The following MALRD1 variants were observed in gnomAD, a reference collection of about 807,000 sequenced individuals.
MALRD1 encodes MAM and LDL receptor class A domain containing 1, also known as MAM and LDL-receptor class A domain-containing protein 1.
In MALRD1, 247 loss-of-function variants were observed where a neutral mutation model predicts 242.1. That is an observed-to-expected ratio of 1.02 (90% CI 0.92 to 1.13). The LOEUF (loss-of-function observed/expected upper bound fraction) is 1.13. Among genes scored for constraint, MALRD1 ranks in the 50% most tolerant of loss-of-function variants. The probability of loss-of-function intolerance (pLI) is 0.00; values close to 1 mark genes in which losing one functional copy is unlikely to be tolerated. For synonymous variants in MALRD1, 995 were observed against 866.6 expected, an observed-to-expected ratio of 1.15 and a Z score of -2.60; for missense variants, 2,989 against 2,533.1, an observed-to-expected ratio of 1.18 and a Z score of -3.86.
intron 36 of MALRD1, among the ~76,000 whole-genome samples, chr10:19,653,930 A>G (rs1589363787): frequency 1.3e-5 from 2 of 152,176 alleles, no homozygotes. Flanking sequence ...ACCCAGAGTC[A>G]TCCAGATGGG....
chr10:19,297,650 A>G (rs986343636), intron 21 of MALRD1, among the ~76,000 whole-genome samples: 1 of 151,948 alleles, frequency 6.6e-6, no homozygotes, highest in African/African-American at 2.4e-5. Context: ...GCATGTTAAA[A>G]TGCAATTTTA....
chr10:19,581,914 T>C (rs1462398712), intron 33 of MALRD1, among the ~76,000 whole-genome samples: 3 of 152,256 alleles, frequency 2.0e-5, no homozygotes, highest in Non-Finnish European at 4.4e-5. Context: ...ATTCCCATTC[T>C]AACTGGTGTG....
chr10:19,280,742 A>T (rs1460049541), intron 20 of MALRD1, among the ~76,000 whole-genome samples: 1 of 152,214 alleles, frequency 6.6e-6, no homozygotes, highest in African/African-American at 2.4e-5. Context: ...GTACCTGCCA[A>T]TTCAATGGCT....
intron 34 of MALRD1, among the ~76,000 whole-genome samples, chr10:19,597,991 T>C (rs1210574855): frequency 1.3e-5 from 2 of 152,058 alleles, no homozygotes; most frequent in African/African-American, 4.8e-5. Context: ...TGGTTGGAAA[T>C]GTAGAAAGAA....
intron 5 of MALRD1, among the ~76,000 whole-genome samples, chr10:19,110,380 T>A (rs1302663841): frequency 6.6e-6 from 1 of 152,218 alleles, no homozygotes; most frequent in East Asian, 1.9e-4. Context: ...CTTTTGTATT[T>A]TTAGTGCTCA....
intron 18 of MALRD1, among the ~76,000 whole-genome samples, chr10:19,225,201 GA>G (rs1269104940): frequency 6.6e-6 from 1 of 152,140 alleles, no homozygotes; most frequent in Non-Finnish European, 1.5e-5. Context: ...TATATGGGAT[GA>G]ATGAAGTCTG....
chr10:19,592,683 G>A lies in MALRD1; in HGVS notation c.5681-2511G>A, dbSNP rs1837862774. ...TTAATGCAATGCCTACCTCCGAAAG[G>A]AGAAAATTTTATTTTTGCATATCCA... On this transcript the variant is annotated intron_variant, in intron 33 of 39. Transcript: ENST00000454679. Among the ~76,000 whole-genome samples, 2 of 151,114 alleles carry A rather than the reference G, an allele frequency of 1.3e-5. 1 individual carries two copies. The highest frequency in any genetic ancestry group is 4.9e-5 in the African/African-American group (2 of 40,970).
chr10:19,300,712 A>G (rs527759954), intron 21 of MALRD1, among the ~76,000 whole-genome samples: 2 of 152,048 alleles, frequency 1.3e-5, no homozygotes, highest in African/African-American at 4.8e-5. Context: ...AACCAACTCA[A>G]TGTGGATTAA....
intron 32 of MALRD1, among the ~76,000 whole-genome samples, chr10:19,537,134 T>A (rs778235770): frequency 4.6e-5 from 7 of 152,094 alleles, no homozygotes; most frequent in Non-Finnish European, 7.4e-5. Flanking sequence ...ATCAGGTCAT[T>A]TATGACCTTG....
At chr10:19,348,193 A>G (rs1844216524) in intron 25 of MALRD1, among the ~76,000 whole-genome samples, 175 bp downstream of exon 25, 1 of 152,110 alleles carries the variant, frequency 6.6e-6, no homozygotes, top group Admixed American at 6.6e-5. Context: ...AAGGGGAAGG[A>G]TTGCTATAAC....
chr10:19,726,885 A>G (rs1384757006), intron 38 of MALRD1, among the ~76,000 whole-genome samples: 5 of 152,188 alleles, frequency 3.3e-5, no homozygotes, highest in Non-Finnish European at 7.3e-5. Context: ...TAGGTGAGGT[A>G]CCTCGAGTCT....
At chr10:19,461,699 G>C (rs1167479575) in intron 29 of MALRD1, among the ~76,000 whole-genome samples, 1 of 152,034 alleles carries the variant, frequency 6.6e-6, no homozygotes, top group East Asian at 1.9e-4. Flanking sequence ...TTAAAAATTG[G>C]CTGGTGTGGT....
intron 17 of MALRD1, among the ~76,000 whole-genome samples, chr10:19,208,242 G>A (rs1399041135): frequency 1.3e-5 from 2 of 152,136 alleles, no homozygotes; most frequent in Non-Finnish European, 2.9e-5. Flanking sequence ...CTACAATCCA[G>A]TGAGAAGAAA....
intron 36 of MALRD1, among the ~76,000 whole-genome samples, chr10:19,669,396 A>G (rs745768402): frequency 2.0e-5 from 3 of 152,182 alleles, no homozygotes; most frequent in African/African-American, 4.8e-5. Context: ...GAAGAGGAAG[A>G]CCTGGGATCT....
At chr10:19,734,116 G>A in intron 39 of MALRD1, 41 bp from the exon 40 acceptor site, 1 of 1,446,842 alleles carries the variant, frequency 6.9e-7, no homozygotes, top group South Asian at 1.2e-5. Flanking sequence ...TTATCTTAAT[G>A]CCTAAAATTC....
chr10:19,267,537 T>G (rs1418779153), intron 19 of MALRD1, among the ~76,000 whole-genome samples: 1 of 152,118 alleles, frequency 6.6e-6, no homozygotes, highest in Non-Finnish European at 1.5e-5. Flanking sequence ...TAAGTCTTCC[T>G]TTATTCTGCA....
chr10:19,383,829 A>G (rs1374870163), intron 26 of MALRD1, among the ~76,000 whole-genome samples: 3 of 151,840 alleles, frequency 2.0e-5, no homozygotes, highest in Non-Finnish European at 4.4e-5. Context: ...CTGGGTCTGC[A>G]GCAAAATGGA....
At chr10:19,070,950 C>T (rs778713071) in intron 2 of MALRD1, among the ~76,000 whole-genome samples, 2 of 138,924 alleles carry the variant, frequency 1.4e-5, no homozygotes, top group African/African-American at 2.6e-5. Context: ...CTCCCAGGTT[C>T]AAGCAATTCT....
At chr10:19,073,195 G>A (rs375305989) in intron 2 of MALRD1, among the ~76,000 whole-genome samples, 44 of 152,174 alleles carry the variant, frequency 2.9e-4, no homozygotes, top group Middle Eastern at 3.4e-3. Context: ...AATTACAGGC[G>A]TGAGCCACCA....
Sources: allele counts gnomAD v4.1 joint callset (sites outside exome capture counted in the v4.1 genomes callset), GRCh38; gene constraint gnomAD v4.1.1; transcripts MANE v1.5; gene names NCBI Gene and HGNC (gene_info 2026-07-23, HGNC 2026-07-21).